Variants in SLX4IP observed in about 807,000 individuals in gnomAD.
SLX4IP encodes the protein protein SLX4IP.
Under a neutral mutation model 32.9 loss-of-function variants are expected in SLX4IP, and 34 were observed. The ratio of observed to expected loss-of-function variants is 1.03; its 90% CI spans 0.79 to 1.38. The LOEUF (loss-of-function observed/expected upper bound fraction) is 1.38, where lower values mean the gene tolerates loss of function less well. Among genes scored for constraint, SLX4IP ranks in the 40% most tolerant of loss-of-function variants. SLX4IP has a pLI of 0.00. For synonymous variants in SLX4IP, 172 were observed against 171.7 expected (o/e 1.00, Z -0.01); for missense variants, 444 against 479.0 (o/e 0.93, Z 0.68).
intron 2 of SLX4IP, among the ~76,000 whole-genome samples, chr20:10,483,946 C>A (rs2122385440): frequency 6.6e-6 from 1 of 152,190 alleles, no homozygotes; most frequent in Middle Eastern, 3.4e-3. Context: ...AGAGAAAAGT[C>A]TGAACAAACA....
At chr20:10,593,089 T>C (rs547124257) in intron 4 of SLX4IP, among the ~76,000 whole-genome samples, 1 of 152,290 alleles carries the variant, frequency 6.6e-6, no homozygotes, top group Admixed American at 6.5e-5. Flanking sequence ...AACAGTCACA[T>C]GTCTGAACTG....
chr20:10,621,388 G>C lies in SLX4IP; in HGVS notation c.480G>C (p.Lys160Asn), dbSNP rs773768053. The C allele has an allele frequency of 6.2e-7, 1 of 1,614,158 alleles. No homozygotes were observed. Among genetic ancestry groups the C allele is most frequent in the South Asian group, 1.1e-5 (1 of 91,084 alleles). ...AGAGTTCACTTCCTCCCAGTGCAAAGCTCCGGAGAAATGCTCTGAAAGAAA... is the reference window on the plus strand; with the variant it reads ...AGAGTTCACTTCCTCCCAGTGCAAACCTCCGGAGAAATGCTCTGAAAGAAA... ...CAESSLPPSA[K>N]LRRNALKEIV... Residue 160 changes from lysine (K) to asparagine (N), a missense_variant, in exon 7 of 8, where the codon AAG (lysine) becomes AAC (asparagine). Coordinates refer to ENST00000334534, the MANE Select transcript of SLX4IP (RefSeq NM_001009608.3).
intron 2 of SLX4IP, among the ~76,000 whole-genome samples, chr20:10,507,493 G>A (rs2065769372): frequency 6.6e-6 from 1 of 152,018 alleles, no homozygotes; most frequent in South Asian, 2.1e-4. Context: ...TCTTCTGATT[G>A]CCCATCTCAT....
intron 2 of SLX4IP, among the ~76,000 whole-genome samples, chr20:10,511,977 A>G (rs1426637169): frequency 6.6e-6 from 1 of 152,262 alleles, no homozygotes; most frequent in Non-Finnish European, 1.5e-5. Context: ...AGATAATAGC[A>G]TACAAATGTG....
At chr20:10,574,864 G>A (rs754275539) in intron 4 of SLX4IP, among the ~76,000 whole-genome samples, 3 of 151,952 alleles carry the variant, frequency 2.0e-5, no homozygotes, top group African/African-American at 2.4e-5. Context: ...GTAGAGACGG[G>A]GTTTCTCCAT....
intron 2 of SLX4IP, among the ~76,000 whole-genome samples, chr20:10,535,006 T>C (rs1021563019): frequency 4.0e-5 from 6 of 151,680 alleles, no homozygotes; most frequent in African/African-American, 1.5e-4. Context: ...CTGAGAGGAG[T>C]GGAAGGCCCC....
chr20:10,515,477 A>G (rs2065842561), intron 2 of SLX4IP, among the ~76,000 whole-genome samples: 1 of 152,216 alleles, frequency 6.6e-6, no homozygotes, highest in Non-Finnish European at 1.5e-5. Flanking sequence ...GAAAGAAAGT[A>G]TTAAAACAAG....
chr20:10,537,848 G>A (rs1161412195), intron 2 of SLX4IP, among the ~76,000 whole-genome samples: 2 of 152,160 alleles, frequency 1.3e-5, no homozygotes, highest in African/African-American at 4.8e-5. Context: ...TAATGAGATA[G>A]CCTATTTTTT....
At chr20:10,519,801 T>G (rs2065887480) in intron 2 of SLX4IP, among the ~76,000 whole-genome samples, 1 of 152,250 alleles carries the variant, frequency 6.6e-6, no homozygotes, top group Non-Finnish European at 1.5e-5. Flanking sequence ...ACTGCCAAAC[T>G]GTTTTCAAAG....
intron 2 of SLX4IP, among the ~76,000 whole-genome samples, chr20:10,477,862 A>G (rs1376169996): frequency 1.3e-5 from 2 of 150,990 alleles, no homozygotes; most frequent in East Asian, 3.9e-4. Context: ...TAAGATGTGA[A>G]ATCTGTGTGT....
At chr20:10,605,582 C>T (rs889448121) in intron 6 of SLX4IP, among the ~76,000 whole-genome samples, 2 of 152,176 alleles carry the variant, frequency 1.3e-5, no homozygotes, top group African/African-American at 4.8e-5. Flanking sequence ...CCGAAGCTCT[C>T]AAAGTCTGTG....
chr20:10,534,686 C>T (rs533742595), intron 2 of SLX4IP, among the ~76,000 whole-genome samples: 8 of 152,068 alleles, frequency 5.3e-5, no homozygotes, highest in Non-Finnish European at 5.9e-5. Flanking sequence ...AAATTAAAAA[C>T]GAGTGCATGA....
At chr20:10,528,566 T>G (rs1275003304) in intron 2 of SLX4IP, among the ~76,000 whole-genome samples, 2 of 152,200 alleles carry the variant, frequency 1.3e-5, no homozygotes, top group Non-Finnish European at 2.9e-5. Context: ...TTCTTGGAAT[T>G]TTCTTTTCTT....
At chr20:10,586,747 G>A (rs1157190557) in intron 4 of SLX4IP, among the ~76,000 whole-genome samples, 1 of 152,068 alleles carries the variant, frequency 6.6e-6, no homozygotes, top group Non-Finnish European at 1.5e-5. Context: ...AAATTAGGTG[G>A]AAATTAAAAT....
At chr20:10,499,874 G>C (rs1338562799) in intron 2 of SLX4IP, among the ~76,000 whole-genome samples, 1 of 152,124 alleles carries the variant, frequency 6.6e-6, no homozygotes, top group Non-Finnish European at 1.5e-5. Flanking sequence ...TCATGATAAT[G>C]ACTGCTGTCA....
At chr20:10,522,401 C>T (rs553598684) in intron 2 of SLX4IP, among the ~76,000 whole-genome samples, 5 of 152,212 alleles carry the variant, frequency 3.3e-5, no homozygotes, top group Middle Eastern at 3.4e-3. Context: ...TACAATGATA[C>T]GCGGAAAAAG....
intron 4 of SLX4IP, among the ~76,000 whole-genome samples, chr20:10,568,478 G>A (rs761239025): frequency 6.6e-6 from 1 of 152,142 alleles, no homozygotes; most frequent in African/African-American, 2.4e-5. Context: ...CTGAGAGATC[G>A]CCTCTGGAAG....
intron 6 of SLX4IP, among the ~76,000 whole-genome samples, chr20:10,620,996 T>A (rs1412162532): frequency 2.0e-5 from 3 of 152,192 alleles, no homozygotes; most frequent in Non-Finnish European, 4.4e-5. Flanking sequence ...ATTCTGGGGC[T>A]TTTGTCACAG....
At chr20:10,566,541 AG>A (rs1274626552) in intron 4 of SLX4IP, among the ~76,000 whole-genome samples, 3 of 152,084 alleles carry the variant, frequency 2.0e-5, no homozygotes, top group Non-Finnish European at 4.4e-5. Flanking sequence ...TCGCTTTTCC[AG>A]TCCTTCGTTC....
Sources: allele counts gnomAD v4.1 joint callset (sites outside exome capture counted in the v4.1 genomes callset), GRCh38; gene constraint gnomAD v4.1.1; transcripts MANE v1.5; gene names NCBI Gene and HGNC (gene_info 2026-07-23, HGNC 2026-07-21).